CTBP2: variants seen among roughly 807,000 people sequenced by gnomAD.
The protein encoded by CTBP2 is C-terminal binding protein 2, also known as C-terminal-binding protein 2.
CTBP2 carries 30 observed loss-of-function variants against 80.3 expected under a neutral mutation model. That is an observed-to-expected ratio of 0.37 (90% CI 0.28 to 0.51). The LOEUF (loss-of-function observed/expected upper bound fraction) is 0.51, where lower values mean the gene tolerates loss of function less well. Among genes scored for constraint, CTBP2 ranks in the 20% least tolerant of loss-of-function variants. The pLI, the probability that CTBP2 is intolerant of heterozygous loss-of-function variation, is 0.93. For missense variants in CTBP2, 1,212 were observed against 1,375.3 expected (o/e 0.88, Z 1.88); for synonymous variants, 594 against 587.4 (o/e 1.01, Z -0.16).
intron 2 of CTBP2, among the ~76,000 whole-genome samples, chr10:125,050,840 A>G (rs1405661344): frequency 6.6e-6 from 1 of 152,212 alleles, no homozygotes; most frequent in African/African-American, 2.4e-5. Context: ...GGAGGAGTAG[A>G]CAAGGCTCCT....
chr10:124,992,897 G>A, intron 7 of CTBP2, 85 bp from the exon 10 acceptor site: 3 of 1,070,478 alleles, frequency 2.8e-6, no homozygotes, highest in Middle Eastern at 2.1e-4. Flanking sequence ...CTTATGTGGG[G>A]AAATAAGCAT....
In CTBP2 at chr10:124,984,977, TGATGAA is replaced by T. The variant is rs753204652; in HGVS notation, c.*4535_*4540del. 6.2e-7 allele frequency: 1 copy of T among 1,609,668 alleles called. No individual in the cohort carries two copies. The highest frequency in any genetic ancestry group is 2.2e-5 in the East Asian group (1 of 44,760). On this transcript the variant is annotated 3_prime_UTR_variant, in exon 9 of 9. Coordinates refer to ENST00000309035, the MANE Select transcript of CTBP2 (RefSeq NM_022802.3). ...TGTCTGATGGAGAGGAAGATGAGGA[TGATGAA>T]GATGAATGAAAAAAAAAATCAAACA... is the stretch of plus-strand genomic sequence containing the variant.
In CTBP2 at chr10:124,988,427, C is replaced by CAA. The variant is rs1022198622; in HGVS notation, c.*1089_*1090dup. On this transcript the variant is annotated 3_prime_UTR_variant, in exon 9 of 9. Coordinates refer to ENST00000309035, the MANE Select transcript of CTBP2 (RefSeq NM_022802.3). ...ACAGTAACGGTAACTCACACTAAAACAAAACATACTTCTGATAGCCATTAT... is the reference window on the plus strand; with the variant it reads ...ACAGTAACGGTAACTCACACTAAAACAAAAAACATACTTCTGATAGCCATTAT... The CAA allele has an allele frequency of 3.3e-5, 5 of 152,738 alleles. No homozygotes were observed. The highest frequency in any genetic ancestry group is 1.2e-4 in the African/African-American group (5 of 41,564). 9.5% of individuals were successfully genotyped at this position (152,738 alleles called of 1,614,324 possible).
chr10:125,072,299 T>A (rs1489930065), intron 2 of CTBP2, among the ~76,000 whole-genome samples: 3 of 150,554 alleles, frequency 2.0e-5, no homozygotes, highest in African/African-American at 4.9e-5. Context: ...CACGTACAGC[T>A]CCTATCTGTC....
chr10:124,997,738 G>C lies in CTBP2; in HGVS notation c.2185+226C>G. 3 of 583,996 alleles carry C rather than the reference G, an allele frequency of 5.1e-6. No individual in the cohort carries two copies. The East Asian group carries it at 8.5e-5, about 17-fold the overall frequency. The allele number at this position is 583,996 out of a possible 1,614,324, so 36.2% of individuals were successfully genotyped here. ...GCTGTCCTGCCAGACACTACAGACAGCAGTGGACACGCATTCTTCCAGAAC... is the reference window on the plus strand; with the variant it reads ...GCTGTCCTGCCAGACACTACAGACACCAGTGGACACGCATTCTTCCAGAAC... On this transcript the variant is annotated intron_variant, in intron 4 of 8. Transcript: ENST00000309035.
At chr10:125,072,086 G>A (rs571026510) in intron 2 of CTBP2, among the ~76,000 whole-genome samples, 12 of 152,248 alleles carry the variant, frequency 7.9e-5, no homozygotes, top group Admixed American at 3.3e-4. Context: ...GGCCGGGCAC[G>A]GTGGCTCACG....
chr10:125,097,656 GATGT>G (rs898891532), intron 2 of CTBP2, among the ~76,000 whole-genome samples: 1 of 151,856 alleles, frequency 6.6e-6, no homozygotes, highest in South Asian at 2.1e-4. Context: ...GTCCATGTCA[GATGT>G]ATGTGTGCAC....
intron 2 of CTBP2, among the ~76,000 whole-genome samples, chr10:125,061,262 G>A (rs1488035633): frequency 3.3e-5 from 5 of 152,192 alleles, no homozygotes; most frequent in South Asian, 2.1e-4. Flanking sequence ...AATACTTCCC[G>A]ATAGGACTTC....
At chr10:125,010,787 G>A (rs539279860) in intron 1 of CTBP2, among the ~76,000 whole-genome samples, 28 of 152,170 alleles carry the variant, frequency 1.8e-4, no homozygotes, top group Non-Finnish European at 4.0e-4. Context: ...AAAGCATGAA[G>A]CACACCTTCT....
intron 1 of CTBP2, among the ~76,000 whole-genome samples, chr10:125,025,803 G>GTT (rs903618514): frequency 3.3e-5 from 5 of 151,798 alleles, no homozygotes; most frequent in African/African-American, 1.2e-4. Context: ...ACACAGTTGA[G>GTT]TTTTACCACC....
chr10:125,025,399 A>T (rs915565205), intron 1 of CTBP2, among the ~76,000 whole-genome samples: 2 of 151,328 alleles, frequency 1.3e-5, no homozygotes, highest in African/African-American at 2.4e-5. Flanking sequence ...ACCTACCATC[A>T]CTCTCCCTTT....
intron 2 of CTBP2, among the ~76,000 whole-genome samples, chr10:125,068,101 G>A (rs554774682): frequency 6.6e-4 from 101 of 152,258 alleles, no homozygotes; most frequent in Non-Finnish European, 1.2e-3. Flanking sequence ...AAAGCAAAGC[G>A]AGGAAGATGA....
chr10:125,017,519 A>G (rs768625971), intron 1 of CTBP2, among the ~76,000 whole-genome samples: 4 of 152,114 alleles, frequency 2.6e-5, no homozygotes, highest in Non-Finnish European at 5.9e-5. Flanking sequence ...ACCTTTTCCT[A>G]CATTTACTTT....
intron 2 of CTBP2, among the ~76,000 whole-genome samples, chr10:125,049,708 G>A (rs1962251146): frequency 1.3e-5 from 2 of 152,150 alleles, no homozygotes; most frequent in African/African-American, 4.8e-5. Context: ...AGCTATCAAA[G>A]CAAACGCTGG....
Position 125,099,091 on chromosome 10 carries a change from C to T in CTBP2, c.-102+11899G>A, listed in dbSNP as rs111829612. ...CATCATACTAGCACACGGTCAGGCA[C>T]GTTCAGTACGCACAGGTTTATACCA... On this transcript the variant is annotated intron_variant, in intron 2 of 10. Transcript: ENST00000337195. 6.4e-3 allele frequency among the ~76,000 whole-genome samples: 978 copies of T among 152,274 alleles called. 10 individuals carry two copies. The highest frequency in any genetic ancestry group is 0.022 in the African/African-American group (920 of 41,564).
chr10:124,985,221 TAA>T lies in CTBP2; in HGVS notation c.*4295_*4296del. 1 of 445,452 alleles carries T rather than the reference TAA, an allele frequency of 2.2e-6. No homozygotes were observed. The highest frequency in any genetic ancestry group is 2.0e-5 in the African/African-American group (1 of 50,538). 27.6% of individuals were successfully genotyped at this position (445,452 alleles called of 1,614,324 possible). ...AGTTTGTAAAAAAAACTAATTTTAT[TAA>T]GACAGAACTTTTTTTCCTTCCAAAT... On this transcript the variant is annotated 3_prime_UTR_variant, in exon 9 of 9. Transcript: ENST00000309035.
rs370693394 is a variant in CTBP2 at position 125,008,017 on chromosome 10, G to A, written c.1679-4525C>T. 2.6e-4 allele frequency among the ~76,000 whole-genome samples: 40 copies of A among 151,868 alleles called. No individual in the cohort carries two copies. The East Asian group carries it at 5.6e-3, about 21-fold the overall frequency. ...GCTGGAATGCAGTGGCACGATCTCC[G>A]CTCACTGCAACCTCCACCTCCCAGG... On this transcript the variant is annotated intron_variant, in intron 1 of 8. Coordinates refer to ENST00000309035, the MANE Select transcript of CTBP2 (RefSeq NM_022802.3).
intron 2 of CTBP2, among the ~76,000 whole-genome samples, chr10:125,087,867 G>C (rs896411257): frequency 3.9e-5 from 6 of 152,182 alleles, no homozygotes; most frequent in Non-Finnish European, 8.8e-5. Context: ...GTGCTTCCTT[G>C]TCTCCCAACC....
chr10:125,052,938 G>A (rs1017535370), intron 2 of CTBP2, among the ~76,000 whole-genome samples: 2 of 152,218 alleles, frequency 1.3e-5, no homozygotes, highest in African/African-American at 4.8e-5. Context: ...TTTTCTGACT[G>A]TCAAAGCATT....
Sources: gnomAD v4.1 joint callset for allele counts (sites outside exome capture counted in the v4.1 genomes callset) on GRCh38, gnomAD v4.1.1 for gene constraint, MANE v1.5 for transcripts, NCBI Gene and HGNC (gene_info 2026-07-23, HGNC 2026-07-21) for gene names.